CKAP5: variants seen among roughly 807,000 people sequenced by gnomAD.
The protein encoded by CKAP5 is cytoskeleton associated protein 5.
CKAP5 carries 27 observed loss-of-function variants against 232.8 expected under a neutral mutation model. The observed-to-expected ratio is 0.12, with a 90% CI of 0.09 to 0.16. The LOEUF is 0.16. Ranked by LOEUF, CKAP5 falls within the 10% of genes least tolerant of loss-of-function variation. CKAP5 has a pLI of 1.00. For synonymous variants in CKAP5, 785 were observed against 841.1 expected (o/e 0.93, Z 1.16); for missense variants, 1,838 against 2,424.7 (o/e 0.76, Z 5.08).
At chr11:46,795,450 C>T in intron 13 of CKAP5, 144 bp downstream of exon 13, 1 of 625,732 alleles carries the variant, frequency 1.6e-6, no homozygotes, top group Non-Finnish European at 2.7e-6. Context: ...CTGGAATATC[C>T]TATCTTCATT....
At chr11:46,766,250 A>T (rs1451679852) in intron 27 of CKAP5, among the ~76,000 whole-genome samples, 1 of 152,236 alleles carries the variant, frequency 6.6e-6, no homozygotes, top group Non-Finnish European at 1.5e-5. Context: ...GAGATCATTT[A>T]TATGAAACTG....
At chr11:46,826,960 C>CT (rs1364008890) in intron 1 of CKAP5, 3 of 152,808 alleles carry the variant, frequency 2.0e-5, no homozygotes, top group African/African-American at 7.2e-5. Flanking sequence ...ACTCTGAAAG[C>CT]TTAAAGGGGC....
rs2065242161 is a variant in CKAP5 at position 46,770,968 on chromosome 11, C to T, written c.3006G>A (p.Leu1002=). ...PFLRQELLGW[L]AEKLPTLRST... ...AACGAAGAGTAGGTAGTTTCTCAGC[C>T]AGCCAGCCCAGAAGCTGCCAAAAGA... is the stretch of plus-strand genomic sequence containing the variant. Residue 1002 remains leucine, a synonymous_variant, in exon 25 of 44, where the codon CTG becomes CTA. Transcript: ENST00000529230. 6.2e-7 allele frequency: 1 copy of T among 1,612,684 alleles called. No individual in the cohort carries two copies.
At chr11:46,759,526 C>A in intron 33 of CKAP5, 84 bp from the exon 34 acceptor site, 1 of 1,358,074 alleles carries the variant, frequency 7.4e-7, no homozygotes, top group Non-Finnish European at 1.0e-6. Flanking sequence ...TGCCCCAAAG[C>A]TTCAGGACAG....
intron 1 of CKAP5, among the ~76,000 whole-genome samples, chr11:46,821,703 G>A (rs1253594932): frequency 2.6e-5 from 4 of 151,672 alleles, no homozygotes; most frequent in African/African-American, 9.7e-5. Flanking sequence ...GATTACAGGC[G>A]TGAGCCACCG....
rs758355644 is a variant in CKAP5 at position 46,821,238 on chromosome 11, TC to T, written c.-8del. ...ACTCACTGTCATCTCCCATTGTGCTTCCAGGTTTTCCTTAGAATTAAGAGTA... is the reference window on the plus strand; with the variant it reads ...ACTCACTGTCATCTCCCATTGTGCTTCAGGTTTTCCTTAGAATTAAGAGTA... On this transcript the variant is annotated 5_prime_UTR_variant, in exon 2 of 44. Coordinates refer to ENST00000529230, the MANE Select transcript of CKAP5 (RefSeq NM_001008938.4). 6.2e-7 allele frequency: 1 copy of T among 1,609,308 alleles called. No individual in the cohort carries two copies. Among genetic ancestry groups the T allele is most frequent in the South Asian group, 1.1e-5 (1 of 90,966 alleles).
chr11:46,747,953 G>A (rs961227312), intron 42 of CKAP5, among the ~76,000 whole-genome samples: 5 of 151,970 alleles, frequency 3.3e-5, no homozygotes, highest in African/African-American at 1.2e-4. Flanking sequence ...CCAGCTACTC[G>A]GGAGGCTGAG....
intron 4 of CKAP5, among the ~76,000 whole-genome samples, chr11:46,812,285 C>A (rs974515811): frequency 1.1e-4 from 16 of 151,874 alleles, no homozygotes; most frequent in Non-Finnish European, 2.4e-4. Context: ...GAGCCGAGAT[C>A]GCGCCACTGC....
chr11:46,753,247 G>A (rs1420588627), intron 37 of CKAP5, 63 bp downstream of exon 37: 2 of 1,348,104 alleles, frequency 1.5e-6, no homozygotes, highest in East Asian at 4.8e-5. Context: ...GGACATTATG[G>A]TTTCTAAGTG....
At chr11:46,821,468 A>G (rs527789826) in intron 1 of CKAP5, among the ~76,000 whole-genome samples, 200 bp from the exon 2 acceptor site, 4 of 111,206 alleles carry the variant, frequency 3.6e-5, no homozygotes, top group Non-Finnish European at 6.6e-5. Context: ...TCTGTCACCC[A>G]GGCTGGAGTG....
At chr11:46,761,643 A>G (rs1479601137) in intron 32 of CKAP5, among the ~76,000 whole-genome samples, 2 of 152,218 alleles carry the variant, frequency 1.3e-5, no homozygotes, top group Non-Finnish European at 2.9e-5. Flanking sequence ...CATCCACACT[A>G]TACACAAATA....
intron 1 of CKAP5, among the ~76,000 whole-genome samples, chr11:46,832,213 T>C (rs1939809053): frequency 1.3e-5 from 2 of 152,170 alleles, no homozygotes; most frequent in South Asian, 2.1e-4. Flanking sequence ...GAAAACAATA[T>C]ATATTTAATA....
At chr11:46,779,305 G>C (rs1423069388) in intron 20 of CKAP5, among the ~76,000 whole-genome samples, 2 of 152,000 alleles carry the variant, frequency 1.3e-5, no homozygotes, top group Non-Finnish European at 2.9e-5. Context: ...GCTGACTTTT[G>C]TATTTTTAGT....
At chr11:46,798,814 A>C (rs1938958899) in intron 9 of CKAP5, among the ~76,000 whole-genome samples, 1 of 152,232 alleles carries the variant, frequency 6.6e-6, no homozygotes, top group Admixed American at 6.5e-5. Context: ...AAATCACTTT[A>C]AGAGGGTAAA....
In CKAP5 at chr11:46,804,973, C is replaced by T. The variant is rs150376113; in HGVS notation, c.978+3058G>A. ...ACTATAGGCCAGGCGCAGTGGCTCA[C>T]GCCTGTAATCCCAGCACTTTCAGAG... On this transcript the variant is annotated intron_variant, in intron 8 of 43. Coordinates refer to ENST00000529230, the MANE Select transcript of CKAP5 (RefSeq NM_001008938.4). Among the ~76,000 whole-genome samples, 316 of 151,900 alleles carry T rather than the reference C, an allele frequency of 2.1e-3. 1 individual carries two copies. Among genetic ancestry groups the T allele is most frequent in the African/African-American group, 6.9e-3 (285 of 41,474 alleles).
chr11:46,832,252 G>GA (rs1048769276), intron 1 of CKAP5, among the ~76,000 whole-genome samples: 1 of 152,068 alleles, frequency 6.6e-6, no homozygotes, highest in Non-Finnish European at 1.5e-5. Context: ...TTTTCAAAGT[G>GA]AAAAAAATCA....
chr11:46,780,501 A>G lies in CKAP5; in HGVS notation c.2250-16T>C. On this transcript the variant is annotated splice_polypyrimidine_tract_variant and intron_variant, in intron 18 of 43. Coordinates refer to ENST00000529230, the MANE Select transcript of CKAP5 (RefSeq NM_001008938.4). ...GACATTCAACCTAGAAGAAACATTT[A>G]GAATTAAAAGCAAACAAATGAAACC... The G allele has an allele frequency of 6.2e-7, 1 of 1,606,996 alleles. No homozygotes were observed. The highest frequency in any genetic ancestry group is 8.5e-7 in the Non-Finnish European group (1 of 1,174,602).
chr11:46,767,519 G>A, intron 27 of CKAP5, 56 bp downstream of exon 27: 4 of 1,065,214 alleles, frequency 3.8e-6, no homozygotes, highest in East Asian at 4.8e-5. Context: ...GAATGACTCA[G>A]TATATAAAAT....
At chr11:46,836,424 A>T (rs1939919733) in intron 1 of CKAP5, among the ~76,000 whole-genome samples, 1 of 152,252 alleles carries the variant, frequency 6.6e-6, no homozygotes, top group Non-Finnish European at 1.5e-5. Context: ...AAAAAGTGAG[A>T]ACACTAGGTC....
Sources: allele counts gnomAD v4.1 joint callset (sites outside exome capture counted in the v4.1 genomes callset), GRCh38; gene constraint gnomAD v4.1.1; transcripts MANE v1.5; gene names NCBI Gene and HGNC (gene_info 2026-07-23, HGNC 2026-07-21).